Variants in SMYD3 observed in about 807,000 individuals in gnomAD.
SMYD3 encodes histone-lysine N-methyltransferase SMYD3.
Under a neutral mutation model 57.7 loss-of-function variants are expected in SMYD3, and 36 were observed. The observed-to-expected ratio is 0.62, with a 90% CI of 0.48 to 0.82. SMYD3 has a LOEUF of 0.82. Ranked by LOEUF, SMYD3 falls within the 40% of genes least tolerant of loss-of-function variation. The probability of loss-of-function intolerance (pLI) is 0.00; values close to 1 mark genes in which losing one functional copy is unlikely to be tolerated. For missense variants in SMYD3, 515 were observed against 538.8 expected (o/e 0.96, Z 0.44); for synonymous variants, 211 against 195.0 (o/e 1.08, Z -0.68).
At chr1:245,929,264 C>T (rs2056573316) in intron 6 of SMYD3, among the ~76,000 whole-genome samples, 1 of 152,180 alleles carries the variant, frequency 6.6e-6, no homozygotes, top group Non-Finnish European at 1.5e-5. Flanking sequence ...AGGCTGAATT[C>T]TTAGATTCAC....
intron 5 of SMYD3, among the ~76,000 whole-genome samples, chr1:245,966,064 T>A (rs2058138407): frequency 6.6e-6 from 1 of 152,210 alleles, no homozygotes. Flanking sequence ...AGTTTATTAA[T>A]TTTTTAAAGG....
At chr1:246,082,761 T>C (rs560944995) in intron 5 of SMYD3, among the ~76,000 whole-genome samples, 1 of 152,170 alleles carries the variant, frequency 6.6e-6, no homozygotes, top group Non-Finnish European at 1.5e-5. Context: ...CTCCATTTTG[T>C]TCTGTACTAA....
intron 5 of SMYD3, among the ~76,000 whole-genome samples, chr1:246,295,619 A>C (rs533941980): frequency 6.6e-6 from 1 of 152,320 alleles, no homozygotes; most frequent in Admixed American, 6.5e-5. Context: ...GATGTAGCCA[A>C]GGAATTTAAT....
intron 5 of SMYD3, among the ~76,000 whole-genome samples, chr1:246,277,300 C>G (rs577366368): frequency 3.9e-5 from 6 of 152,042 alleles, no homozygotes; most frequent in African/African-American, 1.4e-4. Flanking sequence ...CCAACTAAAA[C>G]CACAATATAA....
At chr1:246,072,112 G>T (rs1370229662) in intron 5 of SMYD3, among the ~76,000 whole-genome samples, 5 of 85,212 alleles carry the variant, frequency 5.9e-5, no homozygotes, top group African/African-American at 2.0e-4. Flanking sequence ...GCTCACTGTG[G>T]ATGCATCGTG....
intron 5 of SMYD3, among the ~76,000 whole-genome samples, chr1:246,229,852 C>T (rs959131104): frequency 1.3e-5 from 2 of 151,698 alleles, no homozygotes; most frequent in Non-Finnish European, 2.9e-5. Context: ...CAAATCATAG[C>T]ACGTGCCTTT....
intron 5 of SMYD3, among the ~76,000 whole-genome samples, chr1:246,269,918 C>T (rs1442722080): frequency 1.3e-5 from 2 of 152,082 alleles, no homozygotes; most frequent in African/African-American, 4.8e-5. Flanking sequence ...GTTTACCTTC[C>T]CAAGAACCAT....
chr1:245,901,787 C>T (rs559905029), intron 8 of SMYD3, among the ~76,000 whole-genome samples: 3 of 152,276 alleles, frequency 2.0e-5, no homozygotes, highest in East Asian at 3.9e-4. Context: ...CAGTCTCAGC[C>T]GGGATTGGCT....
At chr1:246,378,726 T>TTACATATAATATA (rs1491106548) in intron 1 of SMYD3, among the ~76,000 whole-genome samples, 1 of 89,862 alleles carries the variant, frequency 1.1e-5, no homozygotes, top group African/African-American at 4.7e-5. Flanking sequence ...TATAATATAT[T>TTACATATAATATA]ATATATTATA....
At chr1:246,122,435 C>T (rs531757594) in intron 5 of SMYD3, among the ~76,000 whole-genome samples, 1 of 152,296 alleles carries the variant, frequency 6.6e-6, no homozygotes, top group South Asian at 2.1e-4. Context: ...CAGAGTCACA[C>T]ACCCTTATGA....
rs375689033 is a variant in SMYD3, at chr1:245,874,332, C to T, written c.814-10446G>A. Among the ~76,000 whole-genome samples, 4 of 152,186 alleles carry T rather than the reference C, an allele frequency of 2.6e-5. No individual in the cohort carries two copies. In the South Asian group the frequency reaches 6.2e-4, roughly 24 times the overall value. On this transcript the variant is annotated intron_variant, in intron 8 of 11. Transcript: ENST00000490107. ...GGTAAACATGGTATTTGCTTATCTG[C>T]TAAAGCGAGCACATCAGATTATCTA...
intron 1 of SMYD3, among the ~76,000 whole-genome samples, chr1:246,398,964 G>A (rs770172089): frequency 2.7e-4 from 41 of 151,954 alleles, no homozygotes; most frequent in African/African-American, 9.6e-4. Flanking sequence ...GATAGTTGTA[G>A]ATTTTCTCTT....
intron 5 of SMYD3, chr1:246,187,014 G>A: frequency 2.5e-6 from 2 of 815,608 alleles, no homozygotes; most frequent in Non-Finnish European, 3.0e-6. Context: ...TACAAAGTAG[G>A]TGTGATGTGC....
intron 5 of SMYD3, among the ~76,000 whole-genome samples, chr1:246,123,571 A>AACAC (rs557543331): frequency 0.12 from 15,338 of 129,360 alleles, 895 homozygotes; most frequent in Middle Eastern, 0.19. Context: ...TCCATCTCAA[A>AACAC]ACACACACAC....
At chr1:246,342,849 A>G (rs538956451) in intron 2 of SMYD3, among the ~76,000 whole-genome samples, 9 of 152,274 alleles carry the variant, frequency 5.9e-5, no homozygotes, top group Admixed American at 5.9e-4. Flanking sequence ...CTATAATATG[A>G]GACAATAATA....
chr1:246,236,999 G>A (rs1317056205), intron 5 of SMYD3, among the ~76,000 whole-genome samples: 14 of 152,144 alleles, frequency 9.2e-5, no homozygotes, highest in Admixed American at 9.2e-4. Context: ...TTTGGGTTTA[G>A]CTGCTACCAC....
At position 246,391,314 on chromosome 1, in the gene SMYD3, A is replaced by G. The variant is rs554392391; in HGVS notation, c.165-36220T>C. 3.3e-5 allele frequency among the ~76,000 whole-genome samples: 5 copies of G among 151,570 alleles called. No homozygotes were observed. In the South Asian group the frequency reaches 1.1e-3, roughly 32 times the overall value. The stretch of plus-strand genomic sequence containing the variant: ...AGAACTGCTTGAGCCCAGGAGATAA[A>G]GGCTACGGTGAGCTTTGATTCCACC... On this transcript the variant is annotated intron_variant, in intron 1 of 11. Transcript: ENST00000490107.
At chr1:245,950,994 C>A (rs2057615424) in intron 5 of SMYD3, among the ~76,000 whole-genome samples, 1 of 152,128 alleles carries the variant, frequency 6.6e-6, no homozygotes, top group Non-Finnish European at 1.5e-5. Flanking sequence ...ATTGAACACT[C>A]CGGCATATTA....
At chr1:246,447,300 C>A (rs2103025628) in intron 1 of SMYD3, among the ~76,000 whole-genome samples, 1 of 152,278 alleles carries the variant, frequency 6.6e-6, no homozygotes, top group East Asian at 1.9e-4. Flanking sequence ...GTCCCAATAA[C>A]TTTCGGAACA....
Sources: gnomAD v4.1 joint callset for allele counts (sites outside exome capture counted in the v4.1 genomes callset) on GRCh38, gnomAD v4.1.1 for gene constraint, MANE v1.5 for transcripts, NCBI Gene and HGNC (gene_info 2026-07-23, HGNC 2026-07-21) for gene names.